The following TECR variants were observed in gnomAD, a reference collection of about 807,000 sequenced individuals.
TECR encodes the protein very-long-chain enoyl-CoA reductase.
Under a neutral mutation model 50.6 loss-of-function variants are expected in TECR, and 19 were observed. The observed-to-expected ratio is 0.38, with a 90% CI of 0.26 to 0.55. TECR has a LOEUF of 0.55. Ranked by LOEUF, TECR falls within the 20% of genes least tolerant of loss-of-function variation. The pLI is 0.79. For synonymous variants in TECR, 168 were observed against 163.5 expected, an observed-to-expected ratio of 1.03 and a Z score of -0.21; for missense variants, 313 against 408.3, an observed-to-expected ratio of 0.77 and a Z score of 2.01.
In TECR at chr19:14,565,052, T is replaced by C; in HGVS notation, c.607-14T>C. On this transcript the variant is annotated splice_polypyrimidine_tract_variant and intron_variant, in intron 9 of 12. Transcript: ENST00000215567. ...AGTCTGGGCGGCCCTAGGCTGATCC[T>C]GCTTCTCTGACAGATCTGCCAGCTC... 6.2e-7 allele frequency: 1 copy of C among 1,613,902 alleles called. No homozygotes were observed. The highest frequency in any genetic ancestry group is 1.3e-5 in the African/African-American group (1 of 75,052).
chr19:14,549,055 T>C (rs1052751402), intron 1 of TECR, among the ~76,000 whole-genome samples: 1 of 152,052 alleles, frequency 6.6e-6, no homozygotes, highest in African/African-American at 2.4e-5. Context: ...AAAAACGTCA[T>C]GTATTTTTTA....
rs2072554170 is a variant in TECR at position 14,529,854 on chromosome 19, C to T, written c.15+143C>T. 7.9e-6 allele frequency: 9 copies of T among 1,146,012 alleles called. No individual in the cohort carries two copies. In the East Asian group the frequency reaches 1.8e-4, roughly 22 times the overall value. 71.0% of individuals were successfully genotyped at this position (1,146,012 alleles called of 1,614,324 possible). On this transcript the variant is annotated intron_variant, in intron 1 of 12. Transcript: ENST00000215567. Reference sequence around the variant, plus strand: ...CAGGCGCAGTGGGCAAGCGTTGCGCCCCGGGCCACTCGTAAATTCCAATGC... The same window carrying T: ...CAGGCGCAGTGGGCAAGCGTTGCGCTCCGGGCCACTCGTAAATTCCAATGC...
At chr19:14,550,745 A>T (rs1326381783) in intron 1 of TECR, among the ~76,000 whole-genome samples, 1 of 152,022 alleles carries the variant, frequency 6.6e-6, no homozygotes, top group Admixed American at 6.5e-5. Context: ...TAGTGGCGTG[A>T]TCTCAGCTCA....
rs749792570 is a variant in TECR, at chr19:14,564,163, G to C, written c.384-19G>C. 11 of 1,606,532 alleles carry C rather than the reference G, an allele frequency of 6.8e-6. No homozygotes were observed. The highest frequency in any genetic ancestry group is 9.3e-6 in the Non-Finnish European group (11 of 1,179,692). On this transcript the variant is annotated intron_variant, in intron 6 of 12. Coordinates refer to ENST00000215567, the MANE Select transcript of TECR (RefSeq NM_138501.6). ...GACCTGCCGGACCAGCCCCAGCTGA[G>C]CCTGCTCCCCCCGACCAGCCTCGCC... is the stretch of plus-strand genomic sequence containing the variant.
chr19:14,535,798 G>A (rs1238658313), intron 1 of TECR, among the ~76,000 whole-genome samples: 1 of 146,104 alleles, frequency 6.8e-6, no homozygotes, highest in Non-Finnish European at 1.5e-5. Context: ...TGAGCCTTGA[G>A]CTGTGGTGAG....
At chr19:14,557,369 G>A (rs1325384598) in intron 1 of TECR, among the ~76,000 whole-genome samples, 1 of 150,896 alleles carries the variant, frequency 6.6e-6, no homozygotes, top group African/African-American at 2.4e-5. Context: ...TCGAACTCCT[G>A]GCCTCAGGTG....
At chr19:14,545,958 C>T (rs1225017489) in intron 1 of TECR, 1 of 152,228 alleles carries the variant, frequency 6.6e-6, no homozygotes, top group East Asian at 1.9e-4. Context: ...CAGAGCTCCT[C>T]TGGGCCACAT....
rs2074035484 is a variant in TECR at position 14,565,080 on chromosome 19, C to A, written c.621C>A (p.Gly207=). 1 of 1,613,890 alleles carries A rather than the reference C, an allele frequency of 6.2e-7. No individual in the cohort carries two copies. Among genetic ancestry groups the A allele is most frequent in the South Asian group, 1.1e-5 (1 of 91,078 alleles). ...TTCTCTGACAGATCTGCCAGCTCGG[C>A]AACTTCTCCATCCACATGGCCCTGC... ...ALAIFVICQL[G]NFSIHMALRD... is the part of the protein sequence containing the mutation. The change falls in exon 10 of 13, where the codon GGC becomes GGA. Residue 207 remains glycine (G), a synonymous_variant. Coordinates refer to ENST00000215567, the MANE Select transcript of TECR (RefSeq NM_138501.6).
At chr19:14,538,233 A>T (rs538077389) in intron 1 of TECR, among the ~76,000 whole-genome samples, 1 of 152,220 alleles carries the variant, frequency 6.6e-6, no homozygotes, top group African/African-American at 2.4e-5. Flanking sequence ...TGGGTCGTGC[A>T]CTGGGGAAAG....
intron 11 of TECR, 115 bp from the exon 12 acceptor site, chr19:14,565,503 G>C: frequency 2.7e-6 from 4 of 1,494,236 alleles, no homozygotes; most frequent in Non-Finnish European, 3.6e-6. Flanking sequence ...CTGGAATTGG[G>C]TTCCCATCCC....
chr19:14,560,535 G>A (rs974907700), intron 1 of TECR, among the ~76,000 whole-genome samples: 1 of 152,206 alleles, frequency 6.6e-6, no homozygotes, highest in East Asian at 1.9e-4. Flanking sequence ...CCTTGGTGGG[G>A]CCCAACGTCC....
intron 1 of TECR, chr19:14,530,032 G>T: frequency 2.1e-6 from 1 of 486,980 alleles, no homozygotes; most frequent in Non-Finnish European, 3.8e-6. Context: ...AGCCACGAAG[G>T]TGCGGGACCC....
chr19:14,530,956 T>C (rs1390566337), intron 1 of TECR: 3 of 152,144 alleles, frequency 2.0e-5, no homozygotes, highest in Non-Finnish European at 2.9e-5. Context: ...CACCTCCACC[T>C]CTGGCAGCCA....
intron 2 of TECR, 34 bp downstream of exon 2, chr19:14,562,609 G>A (rs2073935931): frequency 6.2e-7 from 1 of 1,612,564 alleles, no homozygotes; most frequent in Non-Finnish European, 8.5e-7. Flanking sequence ...CTGGGCCAAG[G>A]GCACTGGGCC....
chr19:14,529,597 T>C lies in TECR; in HGVS notation c.-100T>C. The C allele has an allele frequency of 6.3e-7, 1 of 1,580,764 alleles. No individual in the cohort carries two copies. Among genetic ancestry groups the C allele is most frequent in the Non-Finnish European group, 8.7e-7 (1 of 1,150,936 alleles). ...GGCGGGGCGGACGCAGAGCCGCGTT[T>C]AGTCTATCGCTGCGGTTGCGAGCGC... On this transcript the variant is annotated 5_prime_UTR_variant, in exon 1 of 13. Coordinates refer to ENST00000215567, the MANE Select transcript of TECR (RefSeq NM_138501.6).
intron 1 of TECR, among the ~76,000 whole-genome samples, chr19:14,548,065 C>T (rs969588470): frequency 6.6e-6 from 1 of 150,810 alleles, no homozygotes; most frequent in Non-Finnish European, 1.5e-5. Flanking sequence ...CTGGGTCAAG[C>T]GATTCTTCTG....
intron 1 of TECR, among the ~76,000 whole-genome samples, chr19:14,535,506 C>CAA (rs1172079027): frequency 5.8e-5 from 1 of 17,180 alleles, no homozygotes; most frequent in Non-Finnish European, 9.1e-5. Context: ...GACTCCGTCT[C>CAA]AAAAAAAAAA....
In TECR at chr19:14,563,883, G is replaced by T. The variant is rs1237249707; in HGVS notation, c.247G>T (p.Ala83Ser). The change falls in exon 5 of 13, where the codon GCC (alanine) becomes TCC (serine). Residue 83 changes from alanine (A) to serine (S), a missense_variant. Transcript: ENST00000215567. The surrounding 1 kb of genome is among the most constrained non-coding windows in gnomAD (Gnocchi z 5.3). Reference sequence around the variant, plus strand: ...CACACTGTACTTCCGGGACCTGGGGGCCCAGATCAGCTGGGTGACGGTGAG... The same window carrying T: ...CACACTGTACTTCCGGGACCTGGGGTCCCAGATCAGCTGGGTGACGGTGAG... Reference protein sequence around the residue: ...TATLYFRDLGAQISWVTVFLT... With the variant: ...TATLYFRDLGSQISWVTVFLT... 1.2e-6 allele frequency: 2 copies of T among 1,614,040 alleles called. No homozygotes were observed. Among genetic ancestry groups the T allele is most frequent in the Admixed American group, 3.3e-5 (2 of 60,012 alleles).
chr19:14,544,032 C>T (rs749457863), intron 1 of TECR, among the ~76,000 whole-genome samples: 7 of 152,214 alleles, frequency 4.6e-5, no homozygotes, highest in South Asian at 4.1e-4. Context: ...GCCAACGTGC[C>T]GGGCCTGGAG....
Sources: allele counts gnomAD v4.1 joint callset (sites outside exome capture counted in the v4.1 genomes callset), GRCh38; gene constraint gnomAD v4.1.1; non-coding constraint Gnocchi (gnomAD v3.1); transcripts MANE v1.5; gene names NCBI Gene and HGNC (gene_info 2026-07-23, HGNC 2026-07-21).